The following BLTP1 variants were observed in gnomAD, a reference collection of about 807,000 sequenced individuals.
The protein encoded by BLTP1 is bridge-like lipid transfer protein family member 1.
chr4:122,336,558 TC>T, the BLTP1 span: 5,517 of 769,272 alleles, frequency 7.2e-3, 33 homozygotes, highest in South Asian at 0.032. Context: ...TACATAACTT[TC>T]CCATGGCCCC....
At chr4:122,349,472 TCAGCAACC>T in the BLTP1 span, 2 of 1,590,344 alleles carry the variant, frequency 1.3e-6, no homozygotes, top group Non-Finnish European at 8.6e-7. This position sits in a 1 kb window ranked among gnomAD's most constrained non-coding sequence, Gnocchi z 4.5. Flanking sequence ...AACATCCAAA[TCAGCAACC>T]CAGTCACAAA....
the BLTP1 span, chr4:122,298,735 G>C: frequency 9.0e-6 from 4 of 444,166 alleles, no homozygotes; most frequent in Non-Finnish European, 1.2e-5. Context: ...TATAAATAGA[G>C]GATGTATTGA....
At chr4:122,262,796 C>T in the BLTP1 span, 3 of 1,611,950 alleles carry the variant, frequency 1.9e-6, no homozygotes, top group Non-Finnish European at 2.5e-6. Flanking sequence ...TGAGCTATAC[C>T]AGTGGAGACA....
chr4:122,173,092 G>A, the BLTP1 span: 1 of 1,611,168 alleles, frequency 6.2e-7, no homozygotes, highest in Admixed American at 1.7e-5. Context: ...TTCCCGGAAT[G>A]TTGGTCTTAT....
the BLTP1 span, among the ~76,000 whole-genome samples, chr4:122,348,215 G>C: frequency 6.6e-6 from 1 of 152,138 alleles, no homozygotes; most frequent in East Asian, 1.9e-4. Context: ...TTCTGCCTTT[G>C]AGTCCTGTAT....
chr4:122,327,226 G>A, the BLTP1 span, among the ~76,000 whole-genome samples: 4 of 147,128 alleles, frequency 2.7e-5, no homozygotes, highest in South Asian at 8.5e-4. Flanking sequence ...TATCTGTGGG[G>A]GATTGGTTCT....
chr4:122,309,124 AG>A, the BLTP1 span: 1 of 1,160,096 alleles, frequency 8.6e-7, no homozygotes, highest in East Asian at 2.6e-5. Context: ...AATTTTTAAA[AG>A]GCATCTTTCT....
At chr4:122,324,521 G>A in the BLTP1 span, 8 of 1,609,330 alleles carry the variant, frequency 5.0e-6, no homozygotes, top group East Asian at 4.5e-5. Flanking sequence ...CCTCTTAAGC[G>A]AATGGAAAGG....
the BLTP1 span, among the ~76,000 whole-genome samples, chr4:122,277,326 G>A: frequency 3.3e-5 from 5 of 152,072 alleles, no homozygotes; most frequent in East Asian, 1.9e-4. Flanking sequence ...GGGCAACAAC[G>A]AGACCCCATC....
chr4:122,230,592 G>A, the BLTP1 span, among the ~76,000 whole-genome samples: 3 of 151,892 alleles, frequency 2.0e-5, no homozygotes, highest in African/African-American at 4.8e-5. Context: ...TACTACTATC[G>A]TCTACTGTAT....
At chr4:122,237,236 G>A in the BLTP1 span, 7 of 985,390 alleles carry the variant, frequency 7.1e-6, no homozygotes, top group Non-Finnish European at 8.4e-6. Context: ...GGGAAGTTGA[G>A]CAAGAGTTAT....
the BLTP1 span, among the ~76,000 whole-genome samples, chr4:122,191,802 T>A: frequency 6.6e-6 from 1 of 152,102 alleles, no homozygotes. Flanking sequence ...AGTAACAGAT[T>A]GAATGCCGAA....
At chr4:122,266,468 C>G in the BLTP1 span, among the ~76,000 whole-genome samples, 11 of 151,998 alleles carry the variant, frequency 7.2e-5, no homozygotes, top group Middle Eastern at 3.4e-3. Context: ...GTTTTAAAAG[C>G]AAGAGGTAGA....
chr4:122,201,613 T>C, the BLTP1 span, among the ~76,000 whole-genome samples: 3 of 152,236 alleles, frequency 2.0e-5, no homozygotes, highest in African/African-American at 7.2e-5. Context: ...CCTTTATTTC[T>C]TGCAGCATTT....
At chr4:122,207,994 A>G in the BLTP1 span, 1 of 985,208 alleles carries the variant, frequency 1.0e-6, no homozygotes, top group Non-Finnish European at 1.2e-6. Flanking sequence ...CATGAATTCA[A>G]GGAGTAACCA....
chr4:122,175,616 T>C, the BLTP1 span, among the ~76,000 whole-genome samples: 3 of 152,332 alleles, frequency 2.0e-5, no homozygotes, highest in East Asian at 5.8e-4. Flanking sequence ...GCAATTTTTA[T>C]GCATCAAGAA....
At chr4:122,291,769 T>C in the BLTP1 span, 1 of 973,566 alleles carries the variant, frequency 1.0e-6, no homozygotes, top group Non-Finnish European at 1.2e-6. Context: ...TAAAATACTA[T>C]GGAATTAATG....
chr4:122,214,938 T>C, the BLTP1 span, among the ~76,000 whole-genome samples: 11 of 152,086 alleles, frequency 7.2e-5, no homozygotes. Context: ...GGAAATTAAC[T>C]AATAGATTTG....
chr4:122,185,780 A>G, the BLTP1 span, among the ~76,000 whole-genome samples: 1 of 152,062 alleles, frequency 6.6e-6, no homozygotes, highest in Non-Finnish European at 1.5e-5. Flanking sequence ...AAAAATCTTT[A>G]AATTTTTTCA....
Sources: gnomAD v4.1 joint callset for allele counts (sites outside exome capture counted in the v4.1 genomes callset) on GRCh38, gnomAD v4.1.1 for gene constraint, Gnocchi (gnomAD v3.1) non-coding constraint, MANE v1.5 for transcripts, NCBI Gene and HGNC (gene_info 2026-07-23, HGNC 2026-07-21) for gene names.